PLAAT4: variants seen among roughly 807,000 people sequenced by gnomAD.
PLAAT4 encodes phospholipase A and acyltransferase 4, also known as HRAS-like suppressor 4.
PLAAT4 carries 12 observed loss-of-function variants against 14.1 expected under a neutral mutation model. That is an observed-to-expected ratio of 0.85 (90% CI 0.54 to 1.37). The LOEUF is 1.37. Among genes scored for constraint, PLAAT4 ranks in the 40% most tolerant of loss-of-function variants. The pLI, the probability that PLAAT4 is intolerant of heterozygous loss-of-function variation, is 0.00. For synonymous variants in PLAAT4, 77 were observed against 79.8 expected (o/e 0.96, Z 0.19); for missense variants, 163 against 211.7 (o/e 0.77, Z 1.43).
At chr11:63,543,129 G>A (rs1300511161) in intron 2 of PLAAT4, among the ~76,000 whole-genome samples, 1 of 152,092 alleles carries the variant, frequency 6.6e-6, no homozygotes, top group African/African-American at 2.4e-5. Context: ...GAATAAATAG[G>A]GTTATAACAT....
At chr11:63,537,847 G>A (rs1164995806) in intron 1 of PLAAT4, among the ~76,000 whole-genome samples, 1 of 152,172 alleles carries the variant, frequency 6.6e-6, no homozygotes, top group East Asian at 1.9e-4. Flanking sequence ...TCCTGGAGGT[G>A]CAGGGAGGGA....
intron 2 of PLAAT4, 25 bp from the exon 3 acceptor site, chr11:63,544,596 C>A (rs1365998998): frequency 1.7e-5 from 27 of 1,598,984 alleles, no homozygotes; most frequent in East Asian, 6.7e-5. Context: ...CCTTCCCCTG[C>A]CAGTGAGAGT....
At chr11:63,540,659 C>T (rs1243454308) in intron 2 of PLAAT4, among the ~76,000 whole-genome samples, 1 of 152,110 alleles carries the variant, frequency 6.6e-6, no homozygotes, top group Non-Finnish European at 1.5e-5. Flanking sequence ...AACCCCGTCT[C>T]TATTAAAAAT....
At position 63,544,643 on chromosome 11, in the gene PLAAT4, C is replaced by G; in HGVS notation, c.141C>G (p.Ser47=). The change falls in exon 3 of 4, where the codon TCC becomes TCG. Residue 47 remains serine (S), a synonymous_variant. Coordinates refer to ENST00000255688, the MANE Select transcript of PLAAT4 (RefSeq NM_004585.5). ...APPSEYPGAG[S]SSVFSVLSNS... ...CAGGTGAGTACCCCGGGGCTGGCTC[C>G]TCCAGTGTCTTCTCAGTCCTGAGCA... is the stretch of plus-strand genomic sequence containing the variant. 6.2e-7 allele frequency: 1 copy of G among 1,613,714 alleles called. No homozygotes were observed. Among genetic ancestry groups the G allele is most frequent in the Non-Finnish European group, 8.5e-7 (1 of 1,179,624 alleles).
chr11:63,538,472 T>C (rs531803054), intron 1 of PLAAT4: 16 of 307,396 alleles, frequency 5.2e-5, no homozygotes, highest in Admixed American at 3.8e-4. Flanking sequence ...GGAGTCCACA[T>C]TGATTGGTTT....
rs2017274284 is a variant in PLAAT4 at position 63,536,855 on chromosome 11, C to T, written c.-14C>T. ...ACAAACAAGAGGAGCACCAGACCTC[C>T]TCTTGGCTTCGAGATGGCTTCGGTA... On this transcript the variant is annotated 5_prime_UTR_variant, in exon 1 of 4. Transcript: ENST00000255688. The T allele has an allele frequency of 6.2e-7, 1 of 1,612,408 alleles. No homozygotes were observed. The highest frequency in any genetic ancestry group is 2.2e-5 in the East Asian group (1 of 44,632).
At position 63,546,355 on chromosome 11, in the gene PLAAT4, AG is replaced by A; in HGVS notation, c.*101del. ...CAGCCTGACCCTCGTGCCCTGTCTCAGGCGTTCTCTAGATCCTTTCCTCTGT... is the reference window on the plus strand; with the variant it reads ...CAGCCTGACCCTCGTGCCCTGTCTCAGCGTTCTCTAGATCCTTTCCTCTGT... On this transcript the variant is annotated 3_prime_UTR_variant, in exon 4 of 4. Transcript: ENST00000255688. 3 of 1,039,892 alleles carry A rather than the reference AG, an allele frequency of 2.9e-6. No individual in the cohort carries two copies. Among genetic ancestry groups the A allele is most frequent in the Non-Finnish European group, 4.5e-6 (3 of 670,796 alleles). The allele number at this position is 1,039,892 out of a possible 1,614,324, so 64.4% of individuals were successfully genotyped here. A position where few individuals can be genotyped will look rare whatever the true frequency, so the allele number is the denominator to read the frequency against.
At position 63,546,239 on chromosome 11, in the gene PLAAT4, A is replaced by T; in HGVS notation, c.478A>T (p.Lys160Ter). The T allele has an allele frequency of 6.2e-7, 1 of 1,614,132 alleles. No homozygotes were observed. Among genetic ancestry groups the T allele is most frequent in the African/African-American group, 1.3e-5 (1 of 75,028 alleles). Reference protein sequence around the residue: ...GCSFAIRRYQKKATA With the variant: ...GCSFAIRRYQ ...CTCTTTTGCGATTAGGAGATACCAA[A>T]AAAAAGCGACAGCCTGAAGCAGCCA... Residue 160 changes from lysine (K) to a stop codon, truncating the protein, a stop_gained, in exon 4 of 4, where the codon AAA becomes TAA. Coordinates refer to ENST00000255688, the MANE Select transcript of PLAAT4 (RefSeq NM_004585.5). LOFTEE classifies it high-confidence loss of function.
At position 63,544,733 on chromosome 11, in the gene PLAAT4, C is replaced by G; in HGVS notation, c.231C>G (p.Asn77Lys). 1.2e-6 allele frequency: 2 copies of G among 1,614,212 alleles called. No homozygotes were observed. The highest frequency in any genetic ancestry group is 1.1e-5 in the South Asian group (1 of 91,086). The change falls in exon 3 of 4, where the codon AAC (asparagine) becomes AAG (lysine). Residue 77 changes from asparagine (N) to lysine (K), a missense_variant. Asn to Lys is a moderately conservative substitution (Grantham distance 94, BLOSUM62 0). Transcript: ENST00000255688. ...DVVGGCCYRVNNSLDHEYQPR... is the reference protein window; with the variant it reads ...DVVGGCCYRVKNSLDHEYQPR... ...TGGGAGGCTGTTGCTATCGGGTCAA[C>G]AACAGCTTGGACCATGAGTACCAAC...
chr11:63,540,971 C>T (rs2017316946), intron 2 of PLAAT4, among the ~76,000 whole-genome samples: 1 of 152,224 alleles, frequency 6.6e-6, no homozygotes, highest in Non-Finnish European at 1.5e-5. Context: ...TACATTGTCA[C>T]TGGACAAAAA....
At position 63,544,772 on chromosome 11, in the gene PLAAT4, G is replaced by A. The variant is rs1205594126; in HGVS notation, c.270G>A (p.Glu90=). 2 of 1,614,122 alleles carry A rather than the reference G, an allele frequency of 1.2e-6. No homozygotes were observed. The highest frequency in any genetic ancestry group is 2.7e-5 in the African/African-American group (2 of 74,938). The change falls in exon 3 of 4, where the codon GAG becomes GAA. Residue 90 remains glutamate, a synonymous_variant. Transcript: ENST00000255688. The part of the protein sequence containing the change: ...LDHEYQPRPV[E]VIISSAKEMV... ...ATGAGTACCAACCACGGCCCGTGGA[G>A]GTGATCATCAGTTCTGCGAAGGAGA...
rs2017327359 is a variant in PLAAT4, at chr11:63,542,252, T to G, written c.119-2369T>G. ...AAACTATTTCTGTGGATGGGGTGATTTTTTTTCTTCCTCTAAATTAAGTGG... is the reference window on the plus strand; with the variant it reads ...AAACTATTTCTGTGGATGGGGTGATGTTTTTTCTTCCTCTAAATTAAGTGG... On this transcript the variant is annotated intron_variant, in intron 2 of 3. Transcript: ENST00000255688. Among the ~76,000 whole-genome samples, 4 of 152,346 alleles carry G rather than the reference T, an allele frequency of 2.6e-5. No individual in the cohort carries two copies. In the South Asian group the frequency reaches 8.3e-4, roughly 32 times the overall value.
intron 3 of PLAAT4, 170 bp downstream of exon 3, chr11:63,545,059 G>C: frequency 4.3e-6 from 4 of 923,400 alleles, no homozygotes; most frequent in Non-Finnish European, 6.8e-6. Flanking sequence ...TCCACAGAGG[G>C]TCTTTGGACA....
At chr11:63,544,340 C>G (rs559812409) in intron 2 of PLAAT4, among the ~76,000 whole-genome samples, 6 of 152,116 alleles carry the variant, frequency 3.9e-5, no homozygotes, top group Admixed American at 3.9e-4. Flanking sequence ...ATTAGCCCGG[C>G]GTGGTGGTGG....
chr11:63,543,419 G>A (rs1322380537), intron 2 of PLAAT4, among the ~76,000 whole-genome samples: 1 of 152,260 alleles, frequency 6.6e-6, no homozygotes, highest in Admixed American at 6.5e-5. Flanking sequence ...TCCCACATCA[G>A]CCTTCTGAAT....
In PLAAT4 at chr11:63,536,817, TA is replaced by T; in HGVS notation, c.-48del. ...GAAAGTGAAATTCTCTCCTTCAGCATAAAAGCTGATCCACAAACAAGAGGAG... is the reference window on the plus strand; with the variant it reads ...GAAAGTGAAATTCTCTCCTTCAGCATAAAGCTGATCCACAAACAAGAGGAG... On this transcript the variant is annotated 5_prime_UTR_variant, in exon 1 of 4. Transcript: ENST00000255688. 1 of 1,594,490 alleles carries T rather than the reference TA, an allele frequency of 6.3e-7. No individual in the cohort carries two copies. Among genetic ancestry groups the T allele is most frequent in the Non-Finnish European group, 8.5e-7 (1 of 1,173,574 alleles).
intron 2 of PLAAT4, among the ~76,000 whole-genome samples, chr11:63,543,568 G>A (rs2017338627): frequency 6.6e-6 from 1 of 152,234 alleles, no homozygotes; most frequent in South Asian, 2.1e-4. Flanking sequence ...GCCTCCCAAA[G>A]TGCTGGGATT....
At chr11:63,536,921 G>A (rs777940439) in intron 1 of PLAAT4, 44 bp downstream of exon 1, 11 of 1,599,506 alleles carry the variant, frequency 6.9e-6, no homozygotes, top group East Asian at 4.6e-5. Flanking sequence ...ACAGCAGTTG[G>A]GCAGCTCCCC....
At position 63,546,175 on chromosome 11, in the gene PLAAT4, T is replaced by C; in HGVS notation, c.414T>C (p.Gly138=). ...KQVEKAKVEV[G]VATALGILVV... Reference sequence around the variant, plus strand: ...TGGAAAAGGCCAAGGTTGAAGTCGGTGTGGCCACGGCGCTTGGAATCCTGG... The same window carrying C: ...TGGAAAAGGCCAAGGTTGAAGTCGGCGTGGCCACGGCGCTTGGAATCCTGG... Residue 138 remains glycine, a synonymous_variant, in exon 4 of 4, where the codon GGT becomes GGC. Transcript: ENST00000255688. 1.2e-6 allele frequency: 2 copies of C among 1,613,840 alleles called. No homozygotes were observed. Among genetic ancestry groups the C allele is most frequent in the Middle Eastern group, 1.7e-4 (1 of 6,048 alleles).
Sources: gnomAD v4.1 joint callset for allele counts (sites outside exome capture counted in the v4.1 genomes callset) on GRCh38, gnomAD v4.1.1 for gene constraint, MANE v1.5 for transcripts, NCBI Gene and HGNC (gene_info 2026-07-23, HGNC 2026-07-21) for gene names.